The following DCC variants were observed in gnomAD, a reference collection of about 807,000 sequenced individuals.
The protein encoded by DCC is DCC netrin 1 receptor.
Under a neutral mutation model 172.5 loss-of-function variants are expected in DCC, and 58 were observed. The observed-to-expected ratio is 0.34, with a 90% CI of 0.27 to 0.42. The LOEUF is 0.42. Among genes scored for constraint, DCC ranks in the 10% least tolerant of loss-of-function variants. The pLI, the probability that DCC is intolerant of heterozygous loss-of-function variation, is 1.00. For synonymous variants in DCC, 709 were observed against 644.5 expected (o/e 1.10, Z -1.52); for missense variants, 1,740 against 1,791.0 (o/e 0.97, Z 0.51).
At chr18:53,004,978 A>G (rs1568239512) in intron 5 of DCC, among the ~76,000 whole-genome samples, 2 of 152,190 alleles carry the variant, frequency 1.3e-5, no homozygotes, top group Non-Finnish European at 2.9e-5. Flanking sequence ...GAATGAATAA[A>G]TGTTGCCCTC....
chr18:53,200,475 T>A (rs2055519516), intron 9 of DCC, among the ~76,000 whole-genome samples: 1 of 152,206 alleles, frequency 6.6e-6, no homozygotes. Flanking sequence ...GTAGCAACAT[T>A]GTGCATATCC....
At chr18:52,746,693 A>G (rs2036909947) in intron 1 of DCC, among the ~76,000 whole-genome samples, 1 of 152,186 alleles carries the variant, frequency 6.6e-6, no homozygotes, top group Non-Finnish European at 1.5e-5. Context: ...TCTAAAATAT[A>G]TTAAGAATAT....
intron 3 of DCC, among the ~76,000 whole-genome samples, chr18:52,920,202 AGTT>A (rs1288410799): frequency 3.9e-5 from 6 of 152,056 alleles, no homozygotes; most frequent in African/African-American, 7.2e-5. Context: ...TGAAAGGAGA[AGTT>A]GATAAGTTGG....
chr18:53,109,411 CT>C (rs1169907732), intron 7 of DCC, among the ~76,000 whole-genome samples: 3 of 151,210 alleles, frequency 2.0e-5, no homozygotes, highest in East Asian at 3.9e-4. Flanking sequence ...TTATTAAATC[CT>C]CTTTATTATT....
chr18:52,432,625 A>G (rs1001096816), intron 1 of DCC, among the ~76,000 whole-genome samples: 4 of 152,162 alleles, frequency 2.6e-5, no homozygotes, highest in East Asian at 1.9e-4. Context: ...TTCATGTTGC[A>G]TTTGCATAAA....
At chr18:53,331,688 G>T (rs907103207) in intron 14 of DCC, among the ~76,000 whole-genome samples, 1 of 152,150 alleles carries the variant, frequency 6.6e-6, no homozygotes, top group Non-Finnish European at 1.5e-5. Flanking sequence ...CCCTAAATAT[G>T]TATCTTAACT....
intron 9 of DCC, among the ~76,000 whole-genome samples, chr18:53,198,014 G>A (rs2055474893): frequency 6.6e-6 from 1 of 152,034 alleles, no homozygotes; most frequent in South Asian, 2.1e-4. Flanking sequence ...TAAAATAGAA[G>A]TCTATTTCAC....
intron 26 of DCC, 51 bp downstream of exon 26, chr18:53,487,009 G>A (rs542776824): frequency 6.2e-7 from 1 of 1,610,210 alleles, no homozygotes; most frequent in Non-Finnish European, 8.5e-7. Flanking sequence ...AATAGCAAAG[G>A]TGTCTTGTAA....
intron 1 of DCC, among the ~76,000 whole-genome samples, chr18:52,576,022 T>A (rs2033401944): frequency 6.6e-6 from 1 of 152,208 alleles, no homozygotes; most frequent in Non-Finnish European, 1.5e-5. Context: ...AAGAGGAGAT[T>A]GTTATGGCGT....
intron 2 of DCC, among the ~76,000 whole-genome samples, chr18:52,881,073 CT>C (rs1428877860): frequency 6.6e-6 from 1 of 152,056 alleles, no homozygotes; most frequent in African/African-American, 2.4e-5. Flanking sequence ...GAGATGATAT[CT>C]CATTGTAGCT....
chr18:52,646,950 C>A (rs1399513931), intron 1 of DCC, among the ~76,000 whole-genome samples: 1 of 152,198 alleles, frequency 6.6e-6, no homozygotes, highest in African/African-American at 2.4e-5. Flanking sequence ...CACTCCAAGA[C>A]ACTTCGATAG....
chr18:52,950,289 T>C (rs1405614040), intron 5 of DCC, among the ~76,000 whole-genome samples: 2 of 152,190 alleles, frequency 1.3e-5, no homozygotes, highest in Non-Finnish European at 2.9e-5. Flanking sequence ...GGACTTACTC[T>C]CTCTGTGTCT....
intron 1 of DCC, among the ~76,000 whole-genome samples, chr18:52,379,443 ACACTTTTGAC>A (rs1326860059): frequency 6.6e-6 from 1 of 152,068 alleles, no homozygotes; most frequent in African/African-American, 2.4e-5. Context: ...CTTGTAGAAA[ACACTTTTGAC>A]CACGTATTTA....
intron 1 of DCC, among the ~76,000 whole-genome samples, chr18:52,676,263 G>A (rs1374686973): frequency 6.6e-6 from 1 of 152,148 alleles, no homozygotes; most frequent in African/African-American, 2.4e-5. Context: ...TGGAAATAGT[G>A]GTAGTACCTC....
chr18:53,182,728 T>G (rs1225477047), intron 9 of DCC, among the ~76,000 whole-genome samples: 1 of 152,156 alleles, frequency 6.6e-6, no homozygotes, highest in Non-Finnish European at 1.5e-5. Flanking sequence ...TCTCCAAGCC[T>G]GCTCAATAAG....
intron 2 of DCC, among the ~76,000 whole-genome samples, chr18:52,797,843 T>C (rs1329307239): frequency 2.6e-5 from 4 of 152,228 alleles, no homozygotes; most frequent in Non-Finnish European, 5.9e-5. Context: ...TACATTCACA[T>C]GCAGGTGGCA....
At chr18:53,276,635 A>G in intron 12 of DCC, among the ~76,000 whole-genome samples, 1 of 152,176 alleles carries the variant, frequency 6.6e-6, no homozygotes. Flanking sequence ...ATGATTAATA[A>G]TCATGCAGAT....
intron 1 of DCC, among the ~76,000 whole-genome samples, chr18:52,690,969 C>T (rs111727224): frequency 5.3e-5 from 8 of 152,112 alleles, no homozygotes; most frequent in Admixed American, 3.3e-4. Flanking sequence ...TCAGCATATA[C>T]GAAGGTCTGC....
At chr18:52,873,332 T>C (rs900270393) in intron 2 of DCC, among the ~76,000 whole-genome samples, 1 of 152,178 alleles carries the variant, frequency 6.6e-6, no homozygotes, top group Non-Finnish European at 1.5e-5. Flanking sequence ...ACCTCAGCCA[T>C]AGGCTCAGGC....
Sources: allele counts gnomAD v4.1 joint callset (sites outside exome capture counted in the v4.1 genomes callset), GRCh38; gene constraint gnomAD v4.1.1; transcripts MANE v1.5; gene names NCBI Gene and HGNC (gene_info 2026-07-23, HGNC 2026-07-21).